PCLO: variants seen among roughly 807,000 people sequenced by gnomAD.
The protein encoded by PCLO is protein piccolo.
Under a neutral mutation model 427.5 loss-of-function variants are expected in PCLO, and 82 were observed. That is an observed-to-expected ratio of 0.19 (90% CI 0.16 to 0.23). The LOEUF is 0.23. PCLO is among the 10% of genes least tolerant of loss of function. PCLO has a pLI of 1.00. For missense variants in PCLO, 6,239 were observed against 6,115.9 expected (o/e 1.02, Z -0.67); for synonymous variants, 2,357 against 2,155.4 (o/e 1.09, Z -2.59).
chr7:82,872,668 C>T (rs1298409680), intron 10 of PCLO, among the ~76,000 whole-genome samples: 22 of 152,032 alleles, frequency 1.4e-4, no homozygotes, highest in Non-Finnish European at 1.6e-4. Context: ...AAGGAGACTA[C>T]GTGAAAAACT....
chr7:83,063,754 C>G (rs1043383477), intron 3 of PCLO, among the ~76,000 whole-genome samples: 7 of 152,054 alleles, frequency 4.6e-5, no homozygotes, highest in African/African-American at 1.4e-4. Flanking sequence ...ATTTGAAATG[C>G]CACCATTCTG....
chr7:82,803,829 A>G (rs1392081371), intron 21 of PCLO, among the ~76,000 whole-genome samples: 3 of 152,174 alleles, frequency 2.0e-5, no homozygotes, highest in Non-Finnish European at 4.4e-5. Flanking sequence ...AAAAGTAAAT[A>G]TTCGTTGTGC....
In PCLO at chr7:82,758,210, G is replaced by A. The variant is rs190682330; in HGVS notation, c.*365C>T. On this transcript the variant is annotated 3_prime_UTR_variant, in exon 25 of 25. Transcript: ENST00000333891. The stretch of plus-strand genomic sequence containing the variant: ...TTCAACCAAGGCTCCTTTGCATAAA[G>A]AATTACCTTTGTGCTGCATGAAAAC... The A allele has an allele frequency of 1.2e-5, 2 of 160,458 alleles. No homozygotes were observed. The highest frequency in any genetic ancestry group is 2.7e-5 in the Non-Finnish European group (2 of 73,914). 9.9% of individuals were successfully genotyped at this position (160,458 alleles called of 1,614,324 possible).
chr7:83,117,582 C>CT (rs1478016412), intron 3 of PCLO, among the ~76,000 whole-genome samples: 1 of 152,130 alleles, frequency 6.6e-6, no homozygotes, highest in African/African-American at 2.4e-5. Flanking sequence ...CTTACTGCTG[C>CT]TATCAAAGAG....
intron 6 of PCLO, among the ~76,000 whole-genome samples, chr7:82,938,184 G>A (rs1371916399): frequency 2.6e-5 from 4 of 151,944 alleles, no homozygotes; most frequent in Middle Eastern, 3.4e-3. Context: ...ATACAGAAAT[G>A]TTTAATTTGC....
intron 6 of PCLO, among the ~76,000 whole-genome samples, chr7:82,918,825 A>C (rs1228382266): frequency 6.6e-6 from 1 of 152,064 alleles, no homozygotes; most frequent in East Asian, 1.9e-4. Context: ...ACAAAGATGT[A>C]ATAAAAAGAG....
intron 3 of PCLO, among the ~76,000 whole-genome samples, chr7:82,995,483 T>C (rs966579232): frequency 1.3e-5 from 2 of 151,992 alleles, no homozygotes; most frequent in African/African-American, 2.4e-5. Flanking sequence ...TGGTTTGTCA[T>C]GAAGTGGCTG....
At chr7:82,927,158 A>G (rs1482396579) in intron 6 of PCLO, among the ~76,000 whole-genome samples, 1 of 152,172 alleles carries the variant, frequency 6.6e-6, no homozygotes, top group Non-Finnish European at 1.5e-5. Context: ...ATTCTTTCGG[A>G]TACTCATTTT....
At chr7:83,040,090 G>A (rs967044829) in intron 3 of PCLO, among the ~76,000 whole-genome samples, 4 of 151,894 alleles carry the variant, frequency 2.6e-5, no homozygotes, top group African/African-American at 9.7e-5. Flanking sequence ...CTATATATAA[G>A]ATCATATTTG....
At chr7:82,942,455 A>AT (rs1251091439) in intron 6 of PCLO, among the ~76,000 whole-genome samples, 8 of 152,148 alleles carry the variant, frequency 5.3e-5, no homozygotes, top group South Asian at 2.1e-4. Flanking sequence ...AAATGATTTG[A>AT]TTTTTTCTGA....
At chr7:82,971,948 AT>A (rs1216042336) in intron 3 of PCLO, among the ~76,000 whole-genome samples, 1 of 151,680 alleles carries the variant, frequency 6.6e-6, no homozygotes, top group African/African-American at 2.4e-5. Flanking sequence ...ATCTAATGGT[AT>A]AAAGCAATAA....
chr7:82,801,432 A>T (rs1007740599), intron 22 of PCLO, 86 bp downstream of exon 22: 3 of 735,742 alleles, frequency 4.1e-6, no homozygotes, highest in Non-Finnish European at 7.3e-6. Context: ...TAACATTTAA[A>T]TTCATGTTAA....
Position 82,990,063 on chromosome 7 carries a change from G to T in PCLO, c.3301-23576C>A, listed in dbSNP as rs981676945. Among the ~76,000 whole-genome samples the T allele has an allele frequency of 3.3e-5, 5 of 152,108 alleles. No individual in the cohort carries two copies. The East Asian group carries it at 9.6e-4, about 29-fold the overall frequency. ...TGTGGGAAAATAGTGAAATTAAGGG[G>T]GAAGGGGACTTTAAGTTAGACTTCC... On this transcript the variant is annotated intron_variant, in intron 3 of 24. Coordinates refer to ENST00000333891, the MANE Select transcript of PCLO (RefSeq NM_033026.6).
At chr7:83,132,676 C>A (rs1181607558) in intron 3 of PCLO, among the ~76,000 whole-genome samples, 1 of 152,062 alleles carries the variant, frequency 6.6e-6, no homozygotes, top group Admixed American at 6.6e-5. Context: ...TCAACTCATA[C>A]TACACACCCA....
intron 3 of PCLO, among the ~76,000 whole-genome samples, chr7:83,009,238 A>T (rs1219439589): frequency 6.6e-6 from 1 of 151,878 alleles, no homozygotes; most frequent in Non-Finnish European, 1.5e-5. Context: ...ACATTTTTAG[A>T]GATAAATAAT....
At chr7:83,037,647 T>TA (rs1261633271) in intron 3 of PCLO, among the ~76,000 whole-genome samples, 1 of 151,574 alleles carries the variant, frequency 6.6e-6, no homozygotes, top group Non-Finnish European at 1.5e-5. Flanking sequence ...ACTTTTTTTT[T>TA]ATAGTAAATA....
chr7:83,034,572 G>A (rs900917919), intron 3 of PCLO, among the ~76,000 whole-genome samples: 2 of 152,160 alleles, frequency 1.3e-5, no homozygotes, highest in African/African-American at 4.8e-5. Context: ...TTTTAGAAAA[G>A]CAAATTACTA....
intron 22 of PCLO, among the ~76,000 whole-genome samples, chr7:82,778,728 G>A (rs567657710): frequency 2.0e-5 from 3 of 151,834 alleles, no homozygotes; most frequent in Non-Finnish European, 4.4e-5. Flanking sequence ...TTTTCTCTGA[G>A]TCATTTATTT....
At chr7:82,913,310 A>G (rs892955403) in intron 7 of PCLO, among the ~76,000 whole-genome samples, 1 of 152,136 alleles carries the variant, frequency 6.6e-6, no homozygotes, top group Non-Finnish European at 1.5e-5. Context: ...TAAAATCCAG[A>G]TTTGAATTCC....
Sources: gnomAD v4.1 joint callset for allele counts (sites outside exome capture counted in the v4.1 genomes callset) on GRCh38, gnomAD v4.1.1 for gene constraint, MANE v1.5 for transcripts, NCBI Gene and HGNC (gene_info 2026-07-23, HGNC 2026-07-21) for gene names.